DEAF1: variants seen among roughly 807,000 people sequenced by gnomAD.
DEAF1 encodes DEAF1 transcription factor.
Under a neutral mutation model 58.9 loss-of-function variants are expected in DEAF1, and 53 were observed. The ratio of observed to expected loss-of-function variants is 0.90; its 90% CI spans 0.72 to 1.13. The LOEUF (loss-of-function observed/expected upper bound fraction) is 1.13, where lower values mean the gene tolerates loss of function less well. Ranked by LOEUF, DEAF1 falls within the 50% of genes most tolerant of loss-of-function variation. DEAF1 has a pLI of 0.00. For synonymous variants in DEAF1, 385 were observed against 340.4 expected, an observed-to-expected ratio of 1.13 and a Z score of -1.44; for missense variants, 685 against 791.4, an observed-to-expected ratio of 0.87 and a Z score of 1.61.
At position 651,522 on chromosome 11, in the gene DEAF1, AACAT is replaced by A. The variant is rs1367706095; in HGVS notation, c.1593+2436_1593+2439del. 3 of 246,194 alleles carry A rather than the reference AACAT, an allele frequency of 1.2e-5. No homozygotes were observed. The East Asian group carries it at 4.1e-4, about 34-fold the overall frequency. 15.3% of individuals were successfully genotyped at this position (246,194 alleles called of 1,614,324 possible). A position where few individuals can be genotyped will look rare whatever the true frequency, so the allele number is the denominator to read the frequency against. ...CATCAGGAATGATAATTATAAACTA[AACAT>A]ACATGCACCTAACAACAGAGACCCA... On this transcript the variant is annotated intron_variant, in intron 11 of 11. Transcript: ENST00000382409.
chr11:687,729 C>T (rs975450003), intron 4 of DEAF1, among the ~76,000 whole-genome samples, 182 bp downstream of exon 4: 1 of 152,154 alleles, frequency 6.6e-6, no homozygotes, highest in African/African-American at 2.4e-5. Flanking sequence ...GATCTCCTGA[C>T]CTCTGATCCA....
rs376294152 is a variant in DEAF1, at chr11:688,027, G to A, written c.548C>T (p.Pro183Leu). 126 of 1,613,938 alleles carry A rather than the reference G, an allele frequency of 7.8e-5. No homozygotes were observed. The highest frequency in any genetic ancestry group is 9.7e-5 in the Non-Finnish European group (114 of 1,180,030). Reference protein sequence around the residue: ...GPQSPPTPLAPGQEKGGTKYN... With the variant: ...GPQSPPTPLALGQEKGGTKYN... Reference sequence around the variant, plus strand: ...TTTAGTTCCACCTTTTTCTTGGCCGGGAGCCAGAGGGGTTGGAGGAGACTG... The same window carrying A: ...TTTAGTTCCACCTTTTTCTTGGCCGAGAGCCAGAGGGGTTGGAGGAGACTG... Residue 183 changes from proline to leucine, a missense_variant, in exon 4 of 12, where the codon CCC (proline) becomes CTC (leucine). By Grantham distance (98) the Pro-to-Leu change is moderately conservative. Coordinates refer to ENST00000382409, the MANE Select transcript of DEAF1 (RefSeq NM_021008.4). The surrounding 1 kb of genome is among the most constrained non-coding windows in gnomAD (Gnocchi z 4.3).
At chr11:654,619 A>T (rs1858957730) in intron 10 of DEAF1, 1 of 455,144 alleles carries the variant, frequency 2.2e-6, no homozygotes, top group Admixed American at 2.4e-5. Context: ...TCATACCTGT[A>T]ATCCCAGGAC....
intron 10 of DEAF1, among the ~76,000 whole-genome samples, chr11:656,739 A>G (rs1389269080): frequency 6.6e-6 from 1 of 152,240 alleles, no homozygotes; most frequent in Non-Finnish European, 1.5e-5. Flanking sequence ...GCCCCCCAGC[A>G]TAGTTCCTGG....
In DEAF1 at chr11:658,150, C is replaced by T. The variant is rs181237838; in HGVS notation, c.1504-4099G>A. ...TTTTTTAAAATAACCATTCATTAGC[C>T]GGGCACGGTGGCTCACGCCTGTAAT... On this transcript the variant is annotated intron_variant, in intron 10 of 11. Transcript: ENST00000382409. 3.0e-4 allele frequency among the ~76,000 whole-genome samples: 45 copies of T among 152,226 alleles called. No homozygotes were observed. In the East Asian group the frequency reaches 6.4e-3, roughly 22 times the overall value.
rs181123341 is a variant in DEAF1 at position 700,437 on chromosome 11, G to A, written c.-438+6135C>T. ...AGCTACTCGGGAGACTGAGGTGGGAGGATTGCTTGAACCCGGGAGGTGGAG... is the reference window on the plus strand; with the variant it reads ...AGCTACTCGGGAGACTGAGGTGGGAAGATTGCTTGAACCCGGGAGGTGGAG... On this transcript the variant is annotated intron_variant, in intron 1 of 11. Coordinates refer to the DEAF1 transcript ENST00000683307. 2.9e-3 allele frequency among the ~76,000 whole-genome samples: 447 copies of A among 152,076 alleles called. 1 individual carries two copies. The highest frequency in any genetic ancestry group is 0.017 in the Middle Eastern group (5 of 292).
intron 10 of DEAF1, among the ~76,000 whole-genome samples, chr11:668,595 G>A (rs1324539550): frequency 2.6e-5 from 4 of 152,126 alleles, no homozygotes; most frequent in Non-Finnish European, 5.9e-5. Context: ...AGCTGAGGTG[G>A]GTGGATGGCT....
chr11:678,802 G>T lies in DEAF1; in HGVS notation c.1147C>A (p.Pro383Thr), dbSNP rs766277711. ...TCAGGGTGGCTGGCCCTGCATGGGG[G>T]CTGCACGCTGGCCTCTTGGACTGTT... ...GATVQEASVQ[P>T]PCRASHPEPH... The change falls in exon 9 of 12, where the codon CCC (proline) becomes ACC (threonine). Residue 383 changes from proline (P) to threonine (T), a missense_variant. Pro to Thr is a conservative substitution (Grantham distance 38). This residue lies in a region of DEAF1 where 343 missense variants were observed against 379.8 expected (regional missense o/e 0.90). Coordinates refer to ENST00000382409, the MANE Select transcript of DEAF1 (RefSeq NM_021008.4). 16 of 1,614,114 alleles carry T rather than the reference G, an allele frequency of 9.9e-6. No homozygotes were observed. The highest frequency in any genetic ancestry group is 1.3e-5 in the African/African-American group (1 of 75,060).
At chr11:656,095 A>G (rs1193724722) in intron 10 of DEAF1, among the ~76,000 whole-genome samples, 2 of 150,564 alleles carry the variant, frequency 1.3e-5, no homozygotes, top group Non-Finnish European at 2.9e-5. Context: ...CGGCCCCCCA[A>G]AGTGCTGGGA....
At chr11:674,879 T>C (rs765729699) in intron 9 of DEAF1, 96 bp from the exon 10 acceptor site, 44 of 1,543,616 alleles carry the variant, frequency 2.9e-5, no homozygotes, top group Non-Finnish European at 3.6e-5. Context: ...GCGCGGTGGC[T>C]CACGCCTGTA....
intron 9 of DEAF1, among the ~76,000 whole-genome samples, chr11:676,406 G>C (rs1860082755): frequency 6.8e-6 from 1 of 147,800 alleles, no homozygotes; most frequent in East Asian, 2.0e-4. Context: ...GCAGGAGGAT[G>C]TCCCATCCCT....
chr11:699,133 A>T, upstream of DEAF1: 1 of 502,774 alleles, frequency 2.0e-6, no homozygotes, highest in Non-Finnish European at 3.5e-6. Flanking sequence ...CCGGCTCCCA[A>T]GGCGATGGCC....
intron 1 of DEAF1, among the ~76,000 whole-genome samples, chr11:693,196 GCAT>G (rs1409757902): frequency 1.3e-5 from 2 of 152,202 alleles, no homozygotes; most frequent in East Asian, 3.8e-4. Context: ...ATGATGAACA[GCAT>G]CATTTTTCTT....
At chr11:699,211 T>A, upstream of DEAF1, 1 of 431,932 alleles carries the variant, frequency 2.3e-6, no homozygotes, top group East Asian at 3.7e-5. Flanking sequence ...TAGATTCATT[T>A]TATTTTATTT....
At chr11:702,072 C>A (rs761681270) in intron 1 of DEAF1, among the ~76,000 whole-genome samples, 1 of 152,214 alleles carries the variant, frequency 6.6e-6, no homozygotes, top group Non-Finnish European at 1.5e-5. Flanking sequence ...CCCTCTTGTT[C>A]ACATACAGAT....
rs115579339 is a variant in DEAF1 at position 658,461 on chromosome 11, G to A, written c.1504-4410C>T. On this transcript the variant is annotated intron_variant, in intron 10 of 11. Coordinates refer to ENST00000382409, the MANE Select transcript of DEAF1 (RefSeq NM_021008.4). ...AAAACAAAAAACCATTCATTACTGCGGAAGAGGTGTGTGTGCGTTGCAGAA... is the reference window on the plus strand; with the variant it reads ...AAAACAAAAAACCATTCATTACTGCAGAAGAGGTGTGTGTGCGTTGCAGAA... 6.9e-3 allele frequency among the ~76,000 whole-genome samples: 1,052 copies of A among 152,346 alleles called. 9 individuals carry two copies. Among genetic ancestry groups the A allele is most frequent in the African/African-American group, 0.024 (996 of 41,586 alleles).
intron 9 of DEAF1, 39 bp from the exon 10 acceptor site, chr11:674,822 T>C (rs370486609): frequency 1.1e-5 from 17 of 1,603,180 alleles, no homozygotes; most frequent in African/African-American, 5.3e-5. Context: ...AAGAAATTAA[T>C]ACATCTCCTA....
intron 7 of DEAF1, 131 bp from the exon 8 acceptor site, chr11:679,947 C>T (rs190525015): frequency 6.9e-5 from 88 of 1,275,444 alleles, no homozygotes; most frequent in Non-Finnish European, 9.2e-5. Context: ...CTGTACCCTC[C>T]CATGTGAAGG....
chr11:680,923 G>T, intron 7 of DEAF1, 40 bp downstream of exon 7: 1 of 1,613,990 alleles, frequency 6.2e-7, no homozygotes, highest in Non-Finnish European at 8.5e-7. Context: ...ATGCACTCAG[G>T]TCCCCTCAGT....
Sources: gnomAD v4.1 joint callset for allele counts (sites outside exome capture counted in the v4.1 genomes callset) on GRCh38, gnomAD v4.1.1 for gene constraint, gnomAD v4.1.1 regional missense constraint, Gnocchi (gnomAD v3.1) non-coding constraint, MANE v1.5 for transcripts, NCBI Gene and HGNC (gene_info 2026-07-23, HGNC 2026-07-21) for gene names.